The following FHIT variants were observed in gnomAD, a reference collection of about 807,000 sequenced individuals.
The protein encoded by FHIT is bis(5'-adenosyl)-triphosphatase.
Under a neutral mutation model 17.9 loss-of-function variants are expected in FHIT, and 19 were observed. The ratio of observed to expected loss-of-function variants is 1.06; its 90% CI spans 0.74 to 1.56. The LOEUF (loss-of-function observed/expected upper bound fraction) is 1.56, where lower values mean the gene tolerates loss of function less well. Among genes scored for constraint, FHIT ranks in the 40% most tolerant of loss-of-function variants. FHIT has a pLI of 0.00. For missense variants in FHIT, 248 were observed against 189.2 expected, an observed-to-expected ratio of 1.31 and a Z score of -1.82; for synonymous variants, 81 against 69.7, an observed-to-expected ratio of 1.16 and a Z score of -0.81.
chr3:60,179,842 G>C (rs577760604), intron 5 of FHIT, among the ~76,000 whole-genome samples: 4 of 152,120 alleles, frequency 2.6e-5, no homozygotes, highest in Middle Eastern at 3.4e-3. Context: ...GGTTCTCTTC[G>C]TTCTGCATGC....
intron 4 of FHIT, among the ~76,000 whole-genome samples, chr3:60,572,332 CT>C (rs941595312): frequency 1.2e-4 from 17 of 139,688 alleles, no homozygotes; most frequent in Non-Finnish European, 2.1e-4. Flanking sequence ...ATAATTCTTT[CT>C]TTTTAATTAC....
intron 8 of FHIT, among the ~76,000 whole-genome samples, chr3:59,909,341 A>AT (rs1704752226): frequency 1.4e-5 from 2 of 144,930 alleles, no homozygotes; most frequent in African/African-American, 2.6e-5. Flanking sequence ...CCTACTTTTT[A>AT]TTTTTTTAGG....
chr3:60,720,281 C>T (rs2041780267), intron 4 of FHIT, among the ~76,000 whole-genome samples: 1 of 152,154 alleles, frequency 6.6e-6, no homozygotes, highest in South Asian at 2.1e-4. Flanking sequence ...TAGATGTCAG[C>T]TCAAATGTCA....
At chr3:60,481,165 T>C (rs2033591323) in intron 5 of FHIT, among the ~76,000 whole-genome samples, 1 of 152,028 alleles carries the variant, frequency 6.6e-6, no homozygotes, top group Non-Finnish European at 1.5e-5. Context: ...CCAAGAAATA[T>C]GGGACTTCAT....
intron 5 of FHIT, among the ~76,000 whole-genome samples, chr3:60,276,443 A>G (rs1484542914): frequency 1.3e-5 from 2 of 152,168 alleles, no homozygotes; most frequent in Non-Finnish European, 2.9e-5. Flanking sequence ...GGTGCAAAAG[A>G]TATCAGAGTA....
intron 4 of FHIT, among the ~76,000 whole-genome samples, chr3:60,558,944 C>T (rs1425804324): frequency 2.0e-5 from 3 of 152,158 alleles, no homozygotes. Context: ...CGTGTATCTT[C>T]CAGAATCTTG....
chr3:59,928,490 T>C (rs561352536), intron 7 of FHIT, among the ~76,000 whole-genome samples: 2 of 152,318 alleles, frequency 1.3e-5, no homozygotes, highest in African/African-American at 4.8e-5. Context: ...GCAAATCACC[T>C]ATCTGATAAG....
intron 8 of FHIT, among the ~76,000 whole-genome samples, chr3:59,851,020 A>G (rs1367516365): frequency 1.3e-5 from 2 of 152,182 alleles, no homozygotes; most frequent in African/African-American, 4.8e-5. Context: ...ACAAAAATCA[A>G]TGAAAAGAGC....
At chr3:60,826,374 T>C (rs1553741031) in intron 3 of FHIT, among the ~76,000 whole-genome samples, 2 of 152,316 alleles carry the variant, frequency 1.3e-5, no homozygotes, top group East Asian at 3.9e-4. Context: ...TTGCCCAGGC[T>C]GAAGTGCAAT....
intron 5 of FHIT, among the ~76,000 whole-genome samples, chr3:60,516,857 T>G (rs943436656): frequency 6.6e-6 from 1 of 152,198 alleles, no homozygotes; most frequent in Non-Finnish European, 1.5e-5. Flanking sequence ...ATTACACCCA[T>G]GTTATAATAG....
intron 5 of FHIT, among the ~76,000 whole-genome samples, chr3:60,072,602 T>C (rs1159038829): frequency 6.6e-6 from 1 of 152,200 alleles, no homozygotes; most frequent in Admixed American, 6.5e-5. Context: ...ATTGTTCCCA[T>C]TCTATAGATG....
At chr3:60,677,956 C>G (rs1394325741) in intron 4 of FHIT, among the ~76,000 whole-genome samples, 1 of 152,122 alleles carries the variant, frequency 6.6e-6, no homozygotes, top group Non-Finnish European at 1.5e-5. Context: ...TGAGTGTACA[C>G]TTCTTCATAG....
At chr3:60,101,683 A>G (rs1016771150) in intron 5 of FHIT, among the ~76,000 whole-genome samples, 3 of 152,166 alleles carry the variant, frequency 2.0e-5, no homozygotes, top group Admixed American at 6.5e-5. Flanking sequence ...TGTACCCCCT[A>G]TTAACCTGCA....
At chr3:59,877,135 A>T (rs1489427513) in intron 8 of FHIT, among the ~76,000 whole-genome samples, 1 of 152,204 alleles carries the variant, frequency 6.6e-6, no homozygotes, top group Admixed American at 6.5e-5. Flanking sequence ...AAGATGTTAT[A>T]TTCTTGAGTA....
intron 5 of FHIT, among the ~76,000 whole-genome samples, chr3:60,311,072 T>G (rs781059884): frequency 6.6e-6 from 1 of 152,180 alleles, no homozygotes; most frequent in Non-Finnish European, 1.5e-5. Context: ...TTTCTCAATT[T>G]TGTCAATTAA....
intron 3 of FHIT, among the ~76,000 whole-genome samples, chr3:61,001,611 T>C (rs1461414217): frequency 6.6e-6 from 1 of 152,134 alleles, no homozygotes; most frequent in African/African-American, 2.4e-5. Flanking sequence ...ATGATAATCA[T>C]AGAGATCAAG....
chr3:60,302,471 T>C (rs17400197), intron 5 of FHIT, among the ~76,000 whole-genome samples: 17,507 of 152,156 alleles, frequency 0.12, 1,099 homozygotes, highest in South Asian at 0.15. Context: ...CCATATTTCT[T>C]TTCTTCCTCC....
intron 1 of FHIT, among the ~76,000 whole-genome samples, chr3:61,205,496 A>G (rs948211659): frequency 1.3e-5 from 2 of 152,068 alleles, no homozygotes; most frequent in Admixed American, 6.6e-5. Context: ...GTTTCCTGAC[A>G]TTTTAATGAT....
intron 3 of FHIT, among the ~76,000 whole-genome samples, chr3:61,009,874 A>G (rs2031688185): frequency 1.3e-5 from 2 of 152,218 alleles, no homozygotes; most frequent in Admixed American, 1.3e-4. Context: ...TGTGGTTACA[A>G]ATACCCTTTA....
Sources: allele counts gnomAD v4.1 joint callset (sites outside exome capture counted in the v4.1 genomes callset), GRCh38; gene constraint gnomAD v4.1.1; transcripts MANE v1.5; gene names NCBI Gene and HGNC (gene_info 2026-07-23, HGNC 2026-07-21).